Variants in CDC16 observed in about 807,000 individuals in gnomAD.
CDC16 encodes cell division cycle 16, also known as cell division cycle protein 16 homolog.
Under a neutral mutation model 87.0 loss-of-function variants are expected in CDC16, and 34 were observed. The observed-to-expected ratio is 0.39, with a 90% CI of 0.30 to 0.52. The LOEUF is 0.52. CDC16 is among the 20% of genes least tolerant of loss of function. CDC16 has a pLI of 0.74. For synonymous variants in CDC16, 263 were observed against 260.6 expected (o/e 1.01, Z -0.09); for missense variants, 653 against 751.9 (o/e 0.87, Z 1.54).
At chr13:114,242,377 T>A (rs1334407170) in intron 6 of CDC16, 97 bp downstream of exon 6, 5 of 1,112,410 alleles carry the variant, frequency 4.5e-6, no homozygotes, top group African/African-American at 1.6e-5. Context: ...ACAGGCCACA[T>A]ACAGGTTTAA....
chr13:114,246,272 C>T (rs2081867054), intron 10 of CDC16, among the ~76,000 whole-genome samples: 1 of 152,030 alleles, frequency 6.6e-6, no homozygotes, highest in Admixed American at 6.6e-5. Flanking sequence ...TTTTTAAACC[C>T]TTTTTTCTGA....
chr13:114,249,244 TACG>T (rs1354419497), intron 11 of CDC16, among the ~76,000 whole-genome samples: 2 of 151,846 alleles, frequency 1.3e-5, no homozygotes, highest in Non-Finnish European at 2.9e-5. Context: ...TTTGCGCACT[TACG>T]AGAACCTAAT....
intron 9 of CDC16, among the ~76,000 whole-genome samples, chr13:114,245,259 G>GCC (rs1452818580): frequency 6.8e-6 from 1 of 146,402 alleles, no homozygotes; most frequent in Non-Finnish European, 1.5e-5. Context: ...TGTCAGTTCT[G>GCC]CCTCCCCCCC....
At chr13:114,263,763 A>G (rs1316569448) in intron 16 of CDC16, among the ~76,000 whole-genome samples, 1 of 152,122 alleles carries the variant, frequency 6.6e-6, no homozygotes, top group East Asian at 1.9e-4. Context: ...CGTCCCTCTC[A>G]GTCTGCTAAA....
rs1483660791 is a variant in CDC16 at position 114,257,080 on chromosome 13, G to A, written c.1100G>A (p.Cys367Tyr). ...YFTAAQLMKG[C>Y]HLPMLYIGLE... ...TGTGAAATTTTCCAATTTTTTAGGT[G>A]TCATTTGCCTATGCTGTATATTGGA... Residue 367 changes from cysteine to tyrosine, a missense_variant and splice_region_variant, in exon 13 of 18, where the codon TGT becomes TAT. Cys to Tyr is a radical substitution (Grantham distance 194, BLOSUM62 -2). Transcript: ENST00000356221. 1 of 1,528,782 alleles carries A rather than the reference G, an allele frequency of 6.5e-7. No homozygotes were observed. The highest frequency in any genetic ancestry group is 8.9e-7 in the Non-Finnish European group (1 of 1,127,682). The allele number at this position is 1,528,782 out of a possible 1,614,324, so 94.7% of individuals were successfully genotyped here. A position where few individuals can be genotyped will look rare whatever the true frequency, so the allele number is the denominator to read the frequency against.
intron 12 of CDC16, among the ~76,000 whole-genome samples, chr13:114,253,174 A>C (rs1261398837): frequency 6.6e-6 from 1 of 152,118 alleles, no homozygotes; most frequent in African/African-American, 2.4e-5. Flanking sequence ...GCAGCTCTGC[A>C]TTTTCTTAAC....
intron 9 of CDC16, among the ~76,000 whole-genome samples, chr13:114,245,271 C>T (rs867633723): frequency 0.038 from 5,401 of 141,922 alleles, 135 homozygotes; most frequent in Non-Finnish European, 0.051. Context: ...CTCCCCCCCC[C>T]TTTTTTTTTT....
intron 17 of CDC16, 70 bp from the exon 18 acceptor site, chr13:114,272,114 G>A: frequency 4.7e-6 from 4 of 846,562 alleles, no homozygotes; most frequent in Non-Finnish European, 7.4e-6. Context: ...AAGAGATGGT[G>A]TTATATAACA....
chr13:114,254,569 C>T (rs2082385689), intron 12 of CDC16, among the ~76,000 whole-genome samples: 1 of 152,158 alleles, frequency 6.6e-6, no homozygotes, highest in Admixed American at 6.5e-5. Context: ...CATTATAAGT[C>T]CATCAGCACA....
intron 14 of CDC16, among the ~76,000 whole-genome samples, chr13:114,260,217 C>G (rs959798592): frequency 6.6e-6 from 1 of 152,232 alleles, no homozygotes; most frequent in Non-Finnish European, 1.5e-5. Flanking sequence ...AGCGATCTGC[C>G]TGTCCCCATA....
At chr13:114,255,603 A>C (rs79417672) in intron 12 of CDC16, among the ~76,000 whole-genome samples, 59 of 152,058 alleles carry the variant, frequency 3.9e-4, no homozygotes, top group East Asian at 1.3e-3. Flanking sequence ...AAAAAAAAAA[A>C]CCTGAAATCC....
At chr13:114,239,804 T>G (rs1032726870) in intron 5 of CDC16, among the ~76,000 whole-genome samples, 3 of 152,124 alleles carry the variant, frequency 2.0e-5, no homozygotes, top group African/African-American at 7.2e-5. Context: ...AGCAGTGTTT[T>G]GGACCTACAC....
rs779316250 is a variant in CDC16 at position 114,265,205 on chromosome 13, T to A, written c.1568T>A (p.Ile523Asn). 1 of 1,611,442 alleles carries A rather than the reference T, an allele frequency of 6.2e-7. No homozygotes were observed. The highest frequency in any genetic ancestry group is 1.7e-5 in the Admixed American group (1 of 60,036). ...TCTGTTACAATGCTTGGTCATTGCA[T>A]CGAAATGTACATTGGTGATTCTGAA... ...TFSVTMLGHCIEMYIGDSEAY... is the reference protein window; with the variant it reads ...TFSVTMLGHCNEMYIGDSEAY... The change falls in exon 17 of 18, where the codon ATC (isoleucine) becomes AAC (asparagine). Residue 523 changes from isoleucine to asparagine, a missense_variant. By Grantham distance (149) the Ile-to-Asn change is moderately radical (BLOSUM62 -3). Coordinates refer to ENST00000356221, the MANE Select transcript of CDC16 (RefSeq NM_001078645.3).
intron 14 of CDC16, among the ~76,000 whole-genome samples, chr13:114,259,768 G>A (rs998195990): frequency 5.9e-5 from 9 of 152,184 alleles, no homozygotes; most frequent in African/African-American, 1.9e-4. Flanking sequence ...TTTGACTGAA[G>A]GGTAAATAAA....
At position 114,242,179 on chromosome 13, in the gene CDC16, C is replaced by T. The variant is rs775191073; in HGVS notation, c.440C>T (p.Thr147Ile). 6.2e-7 allele frequency: 1 copy of T among 1,613,998 alleles called. No individual in the cohort carries two copies. The highest frequency in any genetic ancestry group is 8.5e-7 in the Non-Finnish European group (1 of 1,179,994). Residue 147 changes from threonine to isoleucine, a missense_variant, in exon 6 of 18, where the codon ACC (threonine) becomes ATC (isoleucine). Coordinates refer to ENST00000356221, the MANE Select transcript of CDC16 (RefSeq NM_001078645.3). ...GKIYDALDNRTLATYSYKEAL... is the reference protein window; with the variant it reads ...GKIYDALDNRILATYSYKEAL... ...ATCTATGATGCTCTAGATAACCGAA[C>T]CCTGGCTACCTACAGCTACAAAGAA...
chr13:114,244,876 G>T lies in CDC16; in HGVS notation c.768-14G>T. ...GCTGGTTTGGGGGTAGTAATGTGTC[G>T]CTTTAACTTTCAGAGTAATGGAGAA... On this transcript the variant is annotated splice_polypyrimidine_tract_variant and intron_variant, in intron 8 of 17. Transcript: ENST00000356221. 1 of 1,592,558 alleles carries T rather than the reference G, an allele frequency of 6.3e-7. No individual in the cohort carries two copies. Among genetic ancestry groups the T allele is most frequent in the South Asian group, 1.1e-5 (1 of 90,086 alleles).
intron 3 of CDC16, among the ~76,000 whole-genome samples, chr13:114,237,804 C>T (rs1040380317): frequency 6.6e-6 from 1 of 152,122 alleles, no homozygotes; most frequent in African/African-American, 2.4e-5. Flanking sequence ...TCTCTTTTCC[C>T]CAGTAACAGT....
chr13:114,237,009 G>T (rs2081285737), intron 3 of CDC16, 113 bp downstream of exon 3: 2 of 595,034 alleles, frequency 3.4e-6, no homozygotes, highest in Non-Finnish European at 5.6e-6. Context: ...GCCAAGGCAG[G>T]TGGATCATGA....
intron 12 of CDC16, among the ~76,000 whole-genome samples, chr13:114,251,493 A>G (rs1475733066): frequency 3.9e-5 from 6 of 152,206 alleles, no homozygotes; most frequent in South Asian, 2.1e-4. Flanking sequence ...CAGGGGTGGA[A>G]TCATATATTT....
Sources: gnomAD v4.1 joint callset for allele counts (sites outside exome capture counted in the v4.1 genomes callset) on GRCh38, gnomAD v4.1.1 for gene constraint, MANE v1.5 for transcripts, NCBI Gene and HGNC (gene_info 2026-07-23, HGNC 2026-07-21) for gene names.